Variants in ZNF3 observed in about 807,000 individuals in gnomAD.
The protein encoded by ZNF3 is zinc finger protein 3.
Under a neutral mutation model 36.9 loss-of-function variants are expected in ZNF3, and 16 were observed. That is an observed-to-expected ratio of 0.43 (90% CI 0.29 to 0.66). The LOEUF is 0.66. Among genes scored for constraint, ZNF3 ranks in the 30% least tolerant of loss-of-function variants. The pLI is 0.13. For synonymous variants in ZNF3, 201 were observed against 201.9 expected, an observed-to-expected ratio of 1.00 and a Z score of 0.04; for missense variants, 462 against 543.1, an observed-to-expected ratio of 0.85 and a Z score of 1.48.
At position 100,075,599 on chromosome 7, in the gene ZNF3, G is replaced by C; in HGVS notation, c.87C>G (p.Asp29Glu). The change falls in exon 4 of 6, where the codon GAC (aspartate) becomes GAG (glutamate). Residue 29 changes from aspartate (D) to glutamate (E), a missense_variant. By Grantham distance (45) the Asp-to-Glu change is conservative. Transcript: ENST00000299667. ...ACATCTCATCCCCCAGGCTGTCCTT[G>C]TCGGAAAAGGCAGGAACTTTTGAAG... ...ALPSKVPAFS[D>E]KDSLGDEMLA... 6.2e-7 allele frequency: 1 copy of C among 1,614,142 alleles called. No homozygotes were observed. Among genetic ancestry groups the C allele is most frequent in the Non-Finnish European group, 8.5e-7 (1 of 1,180,016 alleles).
intron 1 of ZNF3, among the ~76,000 whole-genome samples, chr7:100,079,937 A>C (rs950487677): frequency 6.6e-6 from 1 of 152,142 alleles, no homozygotes; most frequent in Non-Finnish European, 1.5e-5. Context: ...TCCTGGCCTC[A>C]AGTGATTCTC....
At chr7:100,072,732 CA>C (rs940990888) in intron 5 of ZNF3, among the ~76,000 whole-genome samples, 1 of 152,150 alleles carries the variant, frequency 6.6e-6, no homozygotes, top group African/African-American at 2.4e-5. Context: ...CGTCACGCCA[CA>C]AATGCCAAGC....
intron 2 of ZNF3, 135 bp downstream of exon 2, chr7:100,079,401 C>A (rs1270559542): frequency 6.6e-6 from 1 of 152,308 alleles, no homozygotes; most frequent in Non-Finnish European, 1.5e-5. Context: ...AAAGAAAACT[C>A]TCCATTGTGC....
chr7:100,077,367 A>C lies in ZNF3; in HGVS notation c.-10T>G, dbSNP rs775755450. 6.2e-6 allele frequency: 10 copies of C among 1,613,926 alleles called. No individual in the cohort carries two copies. Among genetic ancestry groups the C allele is most frequent in the Non-Finnish European group, 8.5e-6 (10 of 1,179,958 alleles). ...CAGCCTGAGTTTCCATGGAAGGGCA[A>C]GGTGCTCTCTGGTCTCCTGGGTGCA... On this transcript the variant is annotated 5_prime_UTR_variant, in exon 3 of 6. Coordinates refer to ENST00000299667, the MANE Select transcript of ZNF3 (RefSeq NM_032924.5).
downstream of ZNF3, among the ~76,000 whole-genome samples, chr7:100,066,631 G>A (rs551248477): frequency 0.013 from 2,008 of 152,006 alleles, 22 homozygotes; most frequent in Non-Finnish European, 0.021. Flanking sequence ...CAGCTACTCC[G>A]GAGGCTGAGG....
At chr7:100,072,628 G>T (rs1793382302) in intron 5 of ZNF3, among the ~76,000 whole-genome samples, 1 of 152,174 alleles carries the variant, frequency 6.6e-6, no homozygotes, top group African/African-American at 2.4e-5. Flanking sequence ...GAAAAGGGGG[G>T]AAGGGTGAGG....
chr7:100,064,700 C>T (rs534277071), exon 6 of ZNF3: 11 of 1,606,374 alleles, frequency 6.8e-6, no homozygotes, highest in East Asian at 2.2e-5. Context: ...GCAGCAGCAT[C>T]GATTCCGGTG....
chr7:100,073,728 T>TA (rs1793595227), intron 5 of ZNF3, among the ~76,000 whole-genome samples: 1 of 151,810 alleles, frequency 6.6e-6, no homozygotes, highest in Non-Finnish European at 1.5e-5. Flanking sequence ...CCCTAGAAGT[T>TA]AGAGAAGGGG....
At position 100,070,768 on chromosome 7, in the gene ZNF3, T is replaced by C; in HGVS notation, c.*375A>G. 1 of 1,024,194 alleles carries C rather than the reference T, an allele frequency of 9.8e-7. No homozygotes were observed. The highest frequency in any genetic ancestry group is 1.2e-6 in the Non-Finnish European group (1 of 852,994). 63.4% of individuals were successfully genotyped at this position (1,024,194 alleles called of 1,614,324 possible). ...CAAATAACAGGACCCAGAGCGTCCT[T>C]TCCACTGCTGTCTGTGCTGACTACG... On this transcript the variant is annotated 3_prime_UTR_variant, in exon 6 of 6. Transcript: ENST00000299667.
rs146935949 is a variant in ZNF3, at chr7:100,071,997, TCTC to T, written c.484_486del (p.Glu162del). ...CTTCTCTCTCCCCTGGGGGTTAGCT[TCTC>T]CTCAACTGTCACTTGACCAAAATCT... On this transcript the variant is annotated inframe_deletion, in exon 6 of 6. Coordinates refer to ENST00000299667, the MANE Select transcript of ZNF3 (RefSeq NM_032924.5). 6.4e-4 allele frequency: 1,032 copies of T among 1,613,970 alleles called. 13 individuals carry two copies. In the East Asian group the frequency reaches 0.021, roughly 33 times the overall value.
chr7:100,077,037 C>A (rs1794237201), intron 3 of ZNF3: 2 of 347,614 alleles, frequency 5.8e-6, no homozygotes, highest in Non-Finnish European at 1.1e-5. Flanking sequence ...TGCCACTGCA[C>A]TCTAGCCTGA....
downstream of ZNF3, among the ~76,000 whole-genome samples, chr7:100,069,668 C>G (rs376605810): frequency 3.3e-5 from 5 of 150,682 alleles, no homozygotes; most frequent in Admixed American, 3.3e-4. Flanking sequence ...GGCTGGAGTT[C>G]AATGGCGCGA....
intron 5 of ZNF3, chr7:100,064,936 ATTGT>A (rs779169598): frequency 1.9e-5 from 31 of 1,610,618 alleles, no homozygotes; most frequent in Non-Finnish European, 2.5e-5. Context: ...AAACATTAAG[ATTGT>A]TTAATTTTTA....
chr7:100,064,789 C>G, exon 6 of ZNF3: 1 of 1,614,150 alleles, frequency 6.2e-7, no homozygotes, highest in Non-Finnish European at 8.5e-7. Flanking sequence ...AGGAGGTCCT[C>G]AGAAGGTGTC....
At chr7:100,069,294 G>A (rs771221327), downstream of ZNF3, among the ~76,000 whole-genome samples, 77 of 152,204 alleles carry the variant, frequency 5.1e-4, no homozygotes, top group Non-Finnish European at 8.2e-4. Flanking sequence ...GGTGGCTCAC[G>A]CCTATAATCC....
At chr7:100,072,412 AAGG>A (rs1366801237) in intron 5 of ZNF3, among the ~76,000 whole-genome samples, 200 bp from the exon 6 acceptor site, 2 of 152,176 alleles carry the variant, frequency 1.3e-5, no homozygotes, top group Non-Finnish European at 1.5e-5. Context: ...GAGCAAAACC[AAGG>A]AGAACAGAGC....
intron 2 of ZNF3, among the ~76,000 whole-genome samples, chr7:100,078,505 A>G (rs1239043836): frequency 2.0e-5 from 3 of 151,540 alleles, no homozygotes; most frequent in Non-Finnish European, 4.4e-5. Context: ...CAAAAAAAAA[A>G]AAAAAGAAAA....
intron 2 of ZNF3, among the ~76,000 whole-genome samples, chr7:100,078,224 C>T (rs1016467076): frequency 2.0e-5 from 3 of 151,910 alleles, no homozygotes; most frequent in East Asian, 2.0e-4. Context: ...AGGCTGGGCA[C>T]GGTGGCTCAT....
Position 100,074,154 on chromosome 7 carries a change from C to CA in ZNF3, c.271+980dup, listed in dbSNP as rs377674967. On this transcript the variant is annotated intron_variant, in intron 5 of 5. Coordinates refer to ENST00000299667, the MANE Select transcript of ZNF3 (RefSeq NM_032924.5). ...TGGCAACAAGAGTGAAACTCCATCTCAAAAAAAAAAGGTACCAGATTTGGA... is the reference window on the plus strand; with the variant it reads ...TGGCAACAAGAGTGAAACTCCATCTCAAAAAAAAAAAGGTACCAGATTTGGA... Among the ~76,000 whole-genome samples, 115 of 146,876 alleles carry CA rather than the reference C, an allele frequency of 7.8e-4. 1 individual carries two copies. The highest frequency in any genetic ancestry group is 6.5e-3 in the East Asian group (33 of 5,040).
Sources: allele counts gnomAD v4.1 joint callset (sites outside exome capture counted in the v4.1 genomes callset), GRCh38; gene constraint gnomAD v4.1.1; transcripts MANE v1.5; gene names NCBI Gene and HGNC (gene_info 2026-07-23, HGNC 2026-07-21).